Variants in VTA1 observed in about 807,000 individuals in gnomAD.
The protein encoded by VTA1 is vesicle trafficking 1, also known as vacuolar protein sorting-associated protein VTA1 homolog.
In VTA1, 24 loss-of-function variants were observed where a neutral mutation model predicts 36.9. The ratio of observed to expected loss-of-function variants is 0.65; its 90% CI spans 0.47 to 0.91. The LOEUF (loss-of-function observed/expected upper bound fraction) is 0.91. Among genes scored for constraint, VTA1 ranks in the 40% least tolerant of loss-of-function variants. The probability of loss-of-function intolerance (pLI) is 0.00; values close to 1 mark genes in which losing one functional copy is unlikely to be tolerated. For missense variants in VTA1, 393 were observed against 377.2 expected, an observed-to-expected ratio of 1.04 and a Z score of -0.35; for synonymous variants, 142 against 130.2, an observed-to-expected ratio of 1.09 and a Z score of -0.62.
chr6:142,165,887 CA>C (rs986055057), intron 1 of VTA1, among the ~76,000 whole-genome samples: 1 of 151,998 alleles, frequency 6.6e-6, no homozygotes, highest in Non-Finnish European at 1.5e-5. Flanking sequence ...TGGCACTTGG[CA>C]GGTGCTCTTG....
chr6:142,153,205 G>C (rs1778599980), intron 1 of VTA1, among the ~76,000 whole-genome samples: 1 of 151,988 alleles, frequency 6.6e-6, no homozygotes, highest in African/African-American at 2.4e-5. Flanking sequence ...CCACTAAAAT[G>C]TAAACTCTAT....
At chr6:142,181,554 T>C (rs376582027) in intron 4 of VTA1, among the ~76,000 whole-genome samples, 2 of 151,056 alleles carry the variant, frequency 1.3e-5, no homozygotes, top group Admixed American at 6.6e-5. Flanking sequence ...GTAGAAGATA[T>C]GTGAGAGTAT....
intron 7 of VTA1, among the ~76,000 whole-genome samples, chr6:142,206,147 G>T (rs1042484072): frequency 1.3e-5 from 2 of 152,134 alleles, no homozygotes; most frequent in Non-Finnish European, 2.9e-5. Context: ...TGACATGATG[G>T]TCTGTAGAAA....
chr6:142,168,877 C>T (rs1163620210), intron 2 of VTA1, among the ~76,000 whole-genome samples: 1 of 151,644 alleles, frequency 6.6e-6, no homozygotes, highest in African/African-American at 2.4e-5. Context: ...TGCCATTCTC[C>T]TGCCTCAGCC....
intron 7 of VTA1, among the ~76,000 whole-genome samples, chr6:142,213,521 C>G (rs973083940): frequency 1.3e-5 from 2 of 152,252 alleles, no homozygotes; most frequent in African/African-American, 4.8e-5. Context: ...AGTGGGCATG[C>G]TGCATGGGGG....
intron 6 of VTA1, among the ~76,000 whole-genome samples, chr6:142,203,412 T>C (rs79312029): frequency 0.03 from 4,528 of 152,214 alleles, 148 homozygotes; most frequent in African/African-American, 0.072. Context: ...GTTTTTTAGA[T>C]GATTAATAAA....
intron 4 of VTA1, among the ~76,000 whole-genome samples, chr6:142,174,769 A>G (rs1582885614): frequency 6.6e-6 from 1 of 152,108 alleles, no homozygotes; most frequent in Admixed American, 6.6e-5. Flanking sequence ...TGCCCTCCCC[A>G]TGGTAATAAG....
chr6:142,195,102 A>G (rs982261242), intron 5 of VTA1, among the ~76,000 whole-genome samples: 5 of 152,160 alleles, frequency 3.3e-5, no homozygotes, highest in African/African-American at 1.2e-4. Context: ...CTGGCCTCAT[A>G]AAACAAGGTG....
intron 2 of VTA1, among the ~76,000 whole-genome samples, chr6:142,168,021 C>T (rs1299505596): frequency 6.6e-6 from 1 of 152,168 alleles, no homozygotes; most frequent in Admixed American, 6.5e-5. Flanking sequence ...TAAAGGGACT[C>T]ATCAGGAATT....
At chr6:142,195,954 T>A (rs1317994713) in intron 5 of VTA1, among the ~76,000 whole-genome samples, 1 of 152,172 alleles carries the variant, frequency 6.6e-6, no homozygotes, top group Non-Finnish European at 1.5e-5. Context: ...GCATATGATC[T>A]GTCTTGGTGA....
chr6:142,207,236 A>G (rs75989480), intron 7 of VTA1, among the ~76,000 whole-genome samples: 10,136 of 152,150 alleles, frequency 0.067, 501 homozygotes, highest in Admixed American at 0.15. Flanking sequence ...CATAATTTCT[A>G]CACTGAAAGA....
At chr6:142,211,741 G>A (rs1423958801) in intron 7 of VTA1, among the ~76,000 whole-genome samples, 7 of 150,328 alleles carry the variant, frequency 4.7e-5, no homozygotes, top group Non-Finnish European at 1.0e-4. Flanking sequence ...GAAAGGACAA[G>A]CCACAGACTG....
In VTA1 at chr6:142,222,099, T is replaced by C. The variant is rs1582912246; in HGVS notation, c.*3456T>C. The C allele has an allele frequency of 1.3e-5, 2 of 152,256 alleles. No homozygotes were observed. Among genetic ancestry groups the C allele is most frequent in the African/African-American group, 4.8e-5 (2 of 41,564 alleles). 9.4% of individuals were successfully genotyped at this position (152,256 alleles called of 1,614,324 possible). On this transcript the variant is annotated 3_prime_UTR_variant, in exon 8 of 8. Coordinates refer to ENST00000367630, the MANE Select transcript of VTA1 (RefSeq NM_016485.5). ...TTTTTAGGTAGAGCCACAGGATTTC[T>C]GTAAACTGGATGTGAGGTACGAACA...
rs1331932204 is a variant in VTA1 at position 142,222,922 on chromosome 6, A to T, written c.*4279A>T. ...GCTTTATTTCTGTTTTAAGATGAGG[A>T]AAGGGAGCCACAGAGTAACAAATTT... is the stretch of plus-strand genomic sequence containing the variant. On this transcript the variant is annotated 3_prime_UTR_variant, in exon 8 of 8. Coordinates refer to ENST00000367630, the MANE Select transcript of VTA1 (RefSeq NM_016485.5). 6.6e-6 allele frequency: 1 copy of T among 152,244 alleles called. No homozygotes were observed. Among genetic ancestry groups the T allele is most frequent in the African/African-American group, 2.4e-5 (1 of 41,462 alleles). 9.4% of individuals were successfully genotyped at this position (152,244 alleles called of 1,614,324 possible). A position where few individuals can be genotyped will look rare whatever the true frequency, so the allele number is the denominator to read the frequency against.
chr6:142,149,208 C>T (rs956952783), intron 1 of VTA1, among the ~76,000 whole-genome samples: 1 of 152,148 alleles, frequency 6.6e-6, no homozygotes, highest in Non-Finnish European at 1.5e-5. Context: ...TAGAGCCTTT[C>T]AGCCCATGCA....
chr6:142,196,303 C>G (rs569207054), intron 5 of VTA1, among the ~76,000 whole-genome samples: 2 of 152,096 alleles, frequency 1.3e-5, no homozygotes, highest in African/African-American at 4.8e-5. Context: ...TATTCCTTGT[C>G]ATTGATTCTA....
intron 4 of VTA1, among the ~76,000 whole-genome samples, chr6:142,176,419 A>C (rs1775126412): frequency 6.6e-6 from 1 of 152,218 alleles, no homozygotes. Context: ...AATGAAATGT[A>C]GGGAAGGTAT....
chr6:142,169,496 G>A lies in VTA1; in HGVS notation c.208-54G>A. ...GATTATTAGAATTGTTTGTAATTAA[G>A]TCAACACTTCTGAGAGTCCAAAATC... is the stretch of plus-strand genomic sequence containing the variant. On this transcript the variant is annotated intron_variant, in intron 2 of 7. Transcript: ENST00000367630. 1.9e-6 allele frequency: 3 copies of A among 1,539,746 alleles called. No individual in the cohort carries two copies. In the South Asian group the frequency reaches 3.7e-5, roughly 19 times the overall value.
chr6:142,148,326 T>C (rs1283701807), intron 1 of VTA1, among the ~76,000 whole-genome samples: 2 of 152,236 alleles, frequency 1.3e-5, no homozygotes, highest in African/African-American at 2.4e-5. Context: ...TTTTCAGACC[T>C]ACCATCTTCC....
Sources: allele counts gnomAD v4.1 joint callset (sites outside exome capture counted in the v4.1 genomes callset), GRCh38; gene constraint gnomAD v4.1.1; transcripts MANE v1.5; gene names NCBI Gene and HGNC (gene_info 2026-07-23, HGNC 2026-07-21).